The following VPS13B variants were observed in gnomAD, a reference collection of about 807,000 sequenced individuals.
VPS13B encodes intermembrane lipid transfer protein VPS13B.
Under a neutral mutation model 426.4 loss-of-function variants are expected in VPS13B, and 285 were observed. The observed-to-expected ratio is 0.67, with a 90% CI of 0.61 to 0.74. VPS13B has a LOEUF of 0.74. Ranked by LOEUF, VPS13B falls within the 30% of genes least tolerant of loss-of-function variation. The probability of loss-of-function intolerance (pLI) is 0.00; values close to 1 mark genes in which losing one functional copy is unlikely to be tolerated. For synonymous variants in VPS13B, 1,676 were observed against 1,676.4 expected, an observed-to-expected ratio of 1.00 and a Z score of 0.01; for missense variants, 4,537 against 4,782.6, an observed-to-expected ratio of 0.95 and a Z score of 1.51.
intron 23 of VPS13B, among the ~76,000 whole-genome samples, chr8:99,462,618 C>A (rs1588405852): frequency 6.6e-6 from 1 of 152,114 alleles, no homozygotes; most frequent in Non-Finnish European, 1.5e-5. Flanking sequence ...CTTATATGCC[C>A]AGATACCCAT....
intron 2 of VPS13B, among the ~76,000 whole-genome samples, chr8:99,022,568 G>A (rs1485506084): frequency 6.6e-6 from 1 of 152,098 alleles, no homozygotes; most frequent in Non-Finnish European, 1.5e-5. Flanking sequence ...GATAAAAAGT[G>A]TGTATTCTGC....
intron 2 of VPS13B, among the ~76,000 whole-genome samples, chr8:99,036,071 G>A (rs1842732304): frequency 6.6e-6 from 1 of 152,034 alleles, no homozygotes; most frequent in Non-Finnish European, 1.5e-5. Context: ...CAGATAGATG[G>A]TTTGCAAATA....
chr8:99,271,249 G>T (rs1387556187), intron 17 of VPS13B, among the ~76,000 whole-genome samples: 2 of 146,006 alleles, frequency 1.4e-5, no homozygotes, highest in South Asian at 2.2e-4. Flanking sequence ...CTACTACTAC[G>T]ATGATGATTG....
At chr8:99,847,623 G>A (rs1439667756) in intron 54 of VPS13B, among the ~76,000 whole-genome samples, 1 of 152,178 alleles carries the variant, frequency 6.6e-6, no homozygotes, top group East Asian at 1.9e-4. Flanking sequence ...AGCTGGAGGG[G>A]CTGGGCTGCA....
chr8:99,579,084 A>C (rs1194374926), intron 33 of VPS13B, among the ~76,000 whole-genome samples: 1 of 152,220 alleles, frequency 6.6e-6, no homozygotes, highest in Non-Finnish European at 1.5e-5. Flanking sequence ...TTAAATGGTT[A>C]AAATGGTAAA....
intron 19 of VPS13B, among the ~76,000 whole-genome samples, chr8:99,365,737 G>A (rs543495244): frequency 2.2e-4 from 34 of 151,802 alleles, no homozygotes; most frequent in Non-Finnish European, 4.1e-4. Context: ...GGCTGGTCTC[G>A]AAATCCTGAC....
chr8:99,425,974 A>G (rs1816679797), intron 21 of VPS13B, among the ~76,000 whole-genome samples: 1 of 151,832 alleles, frequency 6.6e-6, no homozygotes, highest in Admixed American at 6.6e-5. Flanking sequence ...GGTTAGTTAC[A>G]TATGTATACA....
At chr8:99,817,286 G>C (rs1188872064) in intron 44 of VPS13B, among the ~76,000 whole-genome samples, 1 of 151,648 alleles carries the variant, frequency 6.6e-6, no homozygotes, top group Non-Finnish European at 1.5e-5. Context: ...ATTTTCTCTG[G>C]CCAGCACCTG....
intron 29 of VPS13B, among the ~76,000 whole-genome samples, chr8:99,513,627 CATATT>C (rs1821908482): frequency 6.6e-6 from 1 of 152,112 alleles, no homozygotes; most frequent in Non-Finnish European, 1.5e-5. Flanking sequence ...TCATTTATCA[CATATT>C]ATTCCCTACA....
chr8:99,249,668 C>A (rs1354989657), intron 17 of VPS13B, among the ~76,000 whole-genome samples: 1 of 152,106 alleles, frequency 6.6e-6, no homozygotes, highest in Non-Finnish European at 1.5e-5. Context: ...CATGATCCAC[C>A]CACCTTGGCC....
At chr8:99,440,595 C>T (rs989525881) in intron 22 of VPS13B, among the ~76,000 whole-genome samples, 2 of 152,020 alleles carry the variant, frequency 1.3e-5, no homozygotes, top group Admixed American at 1.3e-4. Context: ...TAAAGGAACT[C>T]TCACAACATA....
At chr8:99,122,097 G>T (rs757599536) in intron 8 of VPS13B, among the ~76,000 whole-genome samples, 3 of 150,924 alleles carry the variant, frequency 2.0e-5, no homozygotes, top group Admixed American at 1.3e-4. Context: ...AGGCTCAAGC[G>T]TTTTTCCCCC....
intron 21 of VPS13B, among the ~76,000 whole-genome samples, chr8:99,403,920 G>A (rs1815188150): frequency 6.6e-6 from 1 of 152,180 alleles, no homozygotes; most frequent in African/African-American, 2.4e-5. Context: ...AATCTGGAAG[G>A]AAAAGACATG....
chr8:99,234,169 C>T (rs1157193551), intron 17 of VPS13B: 3 of 780,226 alleles, frequency 3.8e-6, no homozygotes, highest in Non-Finnish European at 7.2e-6. Context: ...ACCTCTTCAT[C>T]CAGGATGTAG....
At chr8:99,459,506 T>C (rs1818717249) in intron 23 of VPS13B, among the ~76,000 whole-genome samples, 1 of 152,196 alleles carries the variant, frequency 6.6e-6, no homozygotes, top group Admixed American at 6.5e-5. Context: ...CATAGCCTAC[T>C]CTACATTTAG....
intron 19 of VPS13B, among the ~76,000 whole-genome samples, chr8:99,295,550 C>T (rs1168710833): frequency 6.6e-6 from 1 of 152,094 alleles, no homozygotes; most frequent in Non-Finnish European, 1.5e-5. Context: ...TATAGCTTAG[C>T]CTGGACTACC....
At chr8:99,463,752 G>A (rs985689708) in intron 23 of VPS13B, among the ~76,000 whole-genome samples, 8 of 152,100 alleles carry the variant, frequency 5.3e-5, no homozygotes, top group African/African-American at 1.9e-4. Flanking sequence ...GAGTGCAGTG[G>A]CATGATCTCG....
intron 23 of VPS13B, among the ~76,000 whole-genome samples, chr8:99,449,953 T>A (rs919991067): frequency 3.3e-5 from 5 of 152,054 alleles, no homozygotes; most frequent in Non-Finnish European, 7.4e-5. Flanking sequence ...TGTAGGTTCG[T>A]GCCACCATGC....
intron 44 of VPS13B, among the ~76,000 whole-genome samples, chr8:99,813,356 G>A (rs1289640818): frequency 6.6e-6 from 1 of 152,196 alleles, no homozygotes; most frequent in Non-Finnish European, 1.5e-5. Context: ...CTGAGAAACA[G>A]CCAAATTCTC....
Sources: gnomAD v4.1 joint callset for allele counts (sites outside exome capture counted in the v4.1 genomes callset) on GRCh38, gnomAD v4.1.1 for gene constraint, MANE v1.5 for transcripts, NCBI Gene and HGNC (gene_info 2026-07-23, HGNC 2026-07-21) for gene names.